Variants in STK32B observed in about 807,000 individuals in gnomAD.
The protein encoded by STK32B is serine/threonine-protein kinase 32B.
Under a neutral mutation model 52.6 loss-of-function variants are expected in STK32B, and 43 were observed. The observed-to-expected ratio is 0.82, with a 90% CI of 0.64 to 1.05. The LOEUF (loss-of-function observed/expected upper bound fraction) is 1.05, where lower values mean the gene tolerates loss of function less well. Ranked by LOEUF, STK32B falls within the 50% of genes least tolerant of loss-of-function variation. The pLI, the probability that STK32B is intolerant of heterozygous loss-of-function variation, is 0.00. For synonymous variants in STK32B, 238 were observed against 204.3 expected (o/e 1.17, Z -1.41); for missense variants, 621 against 534.6 (o/e 1.16, Z -1.59).
intron 4 of STK32B, among the ~76,000 whole-genome samples, chr4:5,339,247 C>T (rs753690420): frequency 9.9e-5 from 15 of 152,252 alleles, no homozygotes; most frequent in Admixed American, 2.0e-4. Flanking sequence ...GACTTCTCAG[C>T]CTCCAAAACC....
intron 4 of STK32B, among the ~76,000 whole-genome samples, chr4:5,353,735 T>G (rs1414807413): frequency 1.3e-5 from 2 of 151,982 alleles, no homozygotes; most frequent in African/African-American, 4.8e-5. Flanking sequence ...AAGGACAAAA[T>G]AATAGCAGAT....
intron 3 of STK32B, among the ~76,000 whole-genome samples, chr4:5,182,531 A>G (rs1420132496): frequency 6.6e-6 from 1 of 151,468 alleles, no homozygotes; most frequent in African/African-American, 2.4e-5. Flanking sequence ...ATGCGATCTC[A>G]GCTCACTGCA....
At chr4:5,297,643 T>G (rs921552165) in intron 3 of STK32B, among the ~76,000 whole-genome samples, 8 of 151,920 alleles carry the variant, frequency 5.3e-5, no homozygotes, top group African/African-American at 1.4e-4. Context: ...ATGTTTTTTT[T>G]TTTTTTTTTA....
intron 3 of STK32B, among the ~76,000 whole-genome samples, chr4:5,314,900 G>A (rs575167306): frequency 6.6e-6 from 1 of 152,038 alleles, no homozygotes; most frequent in African/African-American, 2.4e-5. Context: ...AAAAAGAGAA[G>A]AATGAAGAGC....
chr4:5,103,595 A>G (rs566486756), intron 1 of STK32B, among the ~76,000 whole-genome samples: 2 of 152,296 alleles, frequency 1.3e-5, no homozygotes, highest in Admixed American at 6.5e-5. Context: ...GTGCACATCC[A>G]TGGGAGTTTC....
chr4:5,494,441 C>A (rs1720032009), intron 11 of STK32B, among the ~76,000 whole-genome samples: 1 of 151,786 alleles, frequency 6.6e-6, no homozygotes, highest in Non-Finnish European at 1.5e-5. Context: ...GATTTTCCTC[C>A]ATCCCTTTAT....
chr4:5,150,067 A>G (rs1029953465), intron 2 of STK32B, among the ~76,000 whole-genome samples: 4 of 151,942 alleles, frequency 2.6e-5, no homozygotes, highest in African/African-American at 9.7e-5. Context: ...AACTTTCAGA[A>G]TTTCTGATGA....
In STK32B at chr4:5,446,786, G is replaced by A. The variant is rs768573825; in HGVS notation, c.666+10G>A. 214 of 1,613,418 alleles carry A rather than the reference G, an allele frequency of 1.3e-4. 1 individual carries two copies. The highest frequency in any genetic ancestry group is 1.1e-5 in the South Asian group (1 of 91,080). On this transcript the variant is annotated intron_variant, in intron 7 of 11. Transcript: ENST00000282908. ...GCTGCTGCGGGGCTGGGTAAGACAG[G>A]CACCTGTGCGGTACACACGAGGGGC...
rs999156258 is a variant in STK32B at position 5,380,659 on chromosome 4, G to A, written c.435-17548G>A. Among the ~76,000 whole-genome samples, 1 of 152,178 alleles carries A rather than the reference G, an allele frequency of 6.6e-6. No homozygotes were observed. Among genetic ancestry groups the A allele is most frequent in the African/African-American group, 2.4e-5 (1 of 41,426 alleles). On this transcript the variant is annotated intron_variant, in intron 4 of 11. Transcript: ENST00000282908. The surrounding 1 kb of genome is among the most constrained non-coding windows in gnomAD (Gnocchi z 4.3). ...GTGGCACAAGGCCCCACATGAAGGA[G>A]GGTCCGTGTTTGATTTAATGCCCGG...
At chr4:5,367,482 TG>T (rs902885026) in intron 4 of STK32B, among the ~76,000 whole-genome samples, 2 of 151,298 alleles carry the variant, frequency 1.3e-5, no homozygotes, top group African/African-American at 4.9e-5. Flanking sequence ...TAGTGGAGGC[TG>T]GGGGGTCGCT....
chr4:5,430,742 G>C (rs2109090922), intron 6 of STK32B, among the ~76,000 whole-genome samples: 1 of 152,320 alleles, frequency 6.6e-6, no homozygotes, highest in East Asian at 1.9e-4. Context: ...CTAATTAGTA[G>C]TTGAGCTTGA....
chr4:5,454,225 G>A (rs991798784), intron 7 of STK32B, among the ~76,000 whole-genome samples: 6 of 152,152 alleles, frequency 3.9e-5, no homozygotes, highest in African/African-American at 7.2e-5. Context: ...TGAGAGCTCT[G>A]TAGGGCTGCT....
At chr4:5,099,291 A>T (rs1364218422) in intron 1 of STK32B, among the ~76,000 whole-genome samples, 2 of 152,106 alleles carry the variant, frequency 1.3e-5, no homozygotes, top group Non-Finnish European at 2.9e-5. Flanking sequence ...TCCATCTGCA[A>T]CCTAAGTCCC....
intron 1 of STK32B, among the ~76,000 whole-genome samples, chr4:5,086,226 T>C (rs1423328635): frequency 2.0e-5 from 3 of 152,176 alleles, no homozygotes; most frequent in Non-Finnish European, 2.9e-5. Flanking sequence ...AGCCCCAGAC[T>C]TTCACCTCTG....
intron 6 of STK32B, among the ~76,000 whole-genome samples, chr4:5,418,631 T>C (rs1712359613): frequency 6.6e-6 from 1 of 152,230 alleles, no homozygotes; most frequent in Non-Finnish European, 1.5e-5. Flanking sequence ...GGTACAACTT[T>C]TGCCGCAGAA....
intron 7 of STK32B, among the ~76,000 whole-genome samples, chr4:5,449,948 C>T (rs1280866738): frequency 6.6e-6 from 1 of 152,088 alleles, no homozygotes; most frequent in East Asian, 1.9e-4. Flanking sequence ...TTATATATTA[C>T]AATATCATAA....
At chr4:5,459,955 C>G (rs1716900244) in intron 8 of STK32B, 148 bp from the exon 9 acceptor site, 1 of 1,202,536 alleles carries the variant, frequency 8.3e-7, no homozygotes, top group African/African-American at 1.5e-5. Flanking sequence ...GATGGCGCTT[C>G]CAACAACAGT....
At chr4:5,480,593 T>G (rs974007422) in intron 11 of STK32B, among the ~76,000 whole-genome samples, 7 of 152,140 alleles carry the variant, frequency 4.6e-5, no homozygotes, top group African/African-American at 1.7e-4. Context: ...TTTTTTTCTT[T>G]CATTATACTT....
intron 2 of STK32B, among the ~76,000 whole-genome samples, chr4:5,144,784 T>TCATTCATTCATC (rs1553835869): frequency 0.018 from 1,764 of 95,684 alleles, 18 homozygotes; most frequent in East Asian, 0.042. Context: ...ACTCATTCAC[T>TCATTCATTCATC]CATCCATCCA....
Sources: gnomAD v4.1 joint callset for allele counts (sites outside exome capture counted in the v4.1 genomes callset) on GRCh38, gnomAD v4.1.1 for gene constraint, Gnocchi (gnomAD v3.1) non-coding constraint, MANE v1.5 for transcripts, NCBI Gene and HGNC (gene_info 2026-07-23, HGNC 2026-07-21) for gene names.